Variants in TCF7 observed in about 807,000 individuals in gnomAD.
TCF7 encodes transcription factor 7.
TCF7 carries 19 observed loss-of-function variants against 46.8 expected under a neutral mutation model. The ratio of observed to expected loss-of-function variants is 0.41; its 90% confidence interval spans 0.28 to 0.60. The LOEUF (loss-of-function observed/expected upper bound fraction) is 0.60, where lower values mean the gene tolerates loss of function less well. Among genes scored for constraint, TCF7 ranks in the 20% least tolerant of loss-of-function variants. The pLI is 0.35. For missense variants in TCF7, 547 were observed against 504.6 expected, an observed-to-expected ratio of 1.08 and a Z score of -0.81; for synonymous variants, 245 against 213.4, an observed-to-expected ratio of 1.15 and a Z score of -1.29.
intron 5 of TCF7, chr5:134,139,771 C>T (rs934806125): frequency 6.6e-6 from 1 of 152,366 alleles, no homozygotes; most frequent in Non-Finnish European, 1.5e-5. Flanking sequence ...AGCAGGAAAA[C>T]TTGGCTCCCC....
chr5:134,140,520 C>T (rs1028386899), intron 5 of TCF7: 72 of 327,274 alleles, frequency 2.2e-4, no homozygotes, highest in African/African-American at 1.5e-3. Flanking sequence ...CAGATATCAG[C>T]CCTATACCGT....
intron 6 of TCF7, 44 bp from the exon 7 acceptor site, chr5:134,142,677 G>A (rs1313855380): frequency 6.2e-7 from 1 of 1,604,510 alleles, no homozygotes; most frequent in Non-Finnish European, 8.5e-7. Flanking sequence ...CAATTAGGTG[G>A]GCACTCGGGG....
At chr5:134,115,562 C>T (rs926005586) in intron 2 of TCF7, 175 bp downstream of exon 2, 2 of 1,441,816 alleles carry the variant, frequency 1.4e-6, no homozygotes, top group Non-Finnish European at 1.8e-6. Flanking sequence ...CGGGTCGAGT[C>T]ACTTCCGGTG....
At chr5:134,117,826 C>CT (rs1756033195) in intron 3 of TCF7, among the ~76,000 whole-genome samples, 1 of 152,094 alleles carries the variant, frequency 6.6e-6, no homozygotes, top group Admixed American at 6.5e-5. Context: ...CCTTGCCCTC[C>CT]TCCCCGCGCA....
chr5:134,129,781 A>G (rs893309171), intron 3 of TCF7, among the ~76,000 whole-genome samples: 1 of 152,242 alleles, frequency 6.6e-6, no homozygotes, highest in African/African-American at 2.4e-5. Context: ...CAGGGACTCC[A>G]GTCCCCACCT....
chr5:134,144,475 T>C (rs1760369597), intron 9 of TCF7: 3 of 376,248 alleles, frequency 8.0e-6, no homozygotes, highest in Admixed American at 4.2e-5. Flanking sequence ...ATGGTCTTCC[T>C]TGGGCCCCTC....
chr5:134,138,368 G>A (rs765951318), intron 4 of TCF7: 1 of 547,510 alleles, frequency 1.8e-6, no homozygotes, highest in East Asian at 3.1e-5. Context: ...AGGTCAAAAT[G>A]TGAAGGCTTC....
chr5:134,142,494 G>A (rs558696966), intron 6 of TCF7, among the ~76,000 whole-genome samples, 190 bp downstream of exon 6: 15 of 152,218 alleles, frequency 9.9e-5, no homozygotes, highest in Non-Finnish European at 1.5e-4. Context: ...ACAGAGGAGG[G>A]GCTCAGAAGT....
At chr5:134,111,124 G>A (rs1408165449), upstream of TCF7, among the ~76,000 whole-genome samples, 1 of 152,180 alleles carries the variant, frequency 6.6e-6, no homozygotes, top group Non-Finnish European at 1.5e-5. Context: ...CCTATGGGGA[G>A]ACTGAGGCTC....
chr5:134,117,575 G>A (rs2149272309), intron 3 of TCF7, among the ~76,000 whole-genome samples: 1 of 152,344 alleles, frequency 6.6e-6, no homozygotes, highest in South Asian at 2.1e-4. Flanking sequence ...GTCATCTCAT[G>A]GTGTGGGCAA....
intron 7 of TCF7, 28 bp from the exon 8 acceptor site, chr5:134,142,965 C>G (rs1294176163): frequency 6.2e-7 from 1 of 1,612,988 alleles, no homozygotes; most frequent in Non-Finnish European, 8.5e-7. Context: ...CCCTGATGCA[C>G]CCCACCTGCC....
intron 4 of TCF7, chr5:134,138,637 T>C (rs549021710): frequency 8.9e-6 from 3 of 335,286 alleles, no homozygotes; most frequent in East Asian, 1.1e-4. Flanking sequence ...GCCTGCCTCC[T>C]GCCCAGAAAG....
upstream of TCF7, among the ~76,000 whole-genome samples, chr5:134,110,807 A>G (rs1424774975): frequency 3.3e-5 from 5 of 152,248 alleles, no homozygotes; most frequent in Admixed American, 2.0e-4. Context: ...TCCCTGTCAG[A>G]AAAGGTCAGA....
At chr5:134,110,679 G>A (rs1470500602), upstream of TCF7, among the ~76,000 whole-genome samples, 1 of 152,246 alleles carries the variant, frequency 6.6e-6, no homozygotes, top group Admixed American at 6.5e-5. Context: ...CCAACAGGAT[G>A]CCAGGCGGGC....
Position 134,146,367 on chromosome 5 carries a change from C to A in TCF7, c.*64C>A. ...TACCATCTGCTGCCCCGCTTCCCCACAGAACTGCTTACTAGCCCTGCGGAG... is the reference window on the plus strand; with the variant it reads ...TACCATCTGCTGCCCCGCTTCCCCAAAGAACTGCTTACTAGCCCTGCGGAG... On this transcript the variant is annotated 3_prime_UTR_variant, in exon 10 of 10. Transcript: ENST00000342854. The A allele has an allele frequency of 6.3e-7, 1 of 1,587,872 alleles. No homozygotes were observed. Among genetic ancestry groups the A allele is most frequent in the African/African-American group, 1.3e-5 (1 of 74,466 alleles).
chr5:134,109,034 C>T, the TCF7 span, among the ~76,000 whole-genome samples: 2 of 152,188 alleles, frequency 1.3e-5, no homozygotes, highest in Admixed American at 6.5e-5. Context: ...GCCTCTTTAG[C>T]GCCTGATGTC....
chr5:134,108,958 T>G, the TCF7 span, among the ~76,000 whole-genome samples: 1 of 152,168 alleles, frequency 6.6e-6, no homozygotes, highest in African/African-American at 2.4e-5. Flanking sequence ...CCTCCCTAAC[T>G]GCCATGTTGT....
intron 3 of TCF7, among the ~76,000 whole-genome samples, chr5:134,126,834 T>C (rs1181921456): frequency 1.3e-5 from 2 of 149,212 alleles, no homozygotes; most frequent in Non-Finnish European, 3.0e-5. Flanking sequence ...GAGGCGGAGG[T>C]CACAGTGAGC....
In TCF7 at chr5:134,142,809, G is replaced by A; in HGVS notation, c.844G>A (p.Glu282Lys). The change falls in exon 7 of 10, where the codon GAG becomes AAG. Residue 282 changes from glutamate (E) to lysine (K), a missense_variant. Physicochemically the swap from Glu to Lys is moderately conservative, Grantham distance 56. This residue lies in a region of TCF7 where 32 missense variants were observed against 65.9 expected (regional missense o/e 0.49). Transcript: ENST00000342854. ...CAATGCCTTCATGCTGTACATGAAG[G>A]AGATGAGAGCCAAGGTCATTGCAGA... ...PLNAFMLYMK[E>K]MRAKVIAECT... 3.1e-6 allele frequency: 5 copies of A among 1,614,184 alleles called. No homozygotes were observed. The highest frequency in any genetic ancestry group is 3.4e-6 in the Non-Finnish European group (4 of 1,180,026).
Sources: allele counts gnomAD v4.1 joint callset (sites outside exome capture counted in the v4.1 genomes callset), GRCh38; gene constraint gnomAD v4.1.1; regional missense constraint gnomAD v4.1.1; transcripts MANE v1.5; gene names NCBI Gene and HGNC (gene_info 2026-07-23, HGNC 2026-07-21).